Variants in GRIN2B observed in about 807,000 individuals in gnomAD.
GRIN2B encodes glutamate ionotropic receptor NMDA type subunit 2B.
A neutral mutation model predicts 114.5 loss-of-function variants in GRIN2B; 5 were observed. That is an observed-to-expected ratio of 0.04 (90% CI 0.02 to 0.09). The LOEUF (loss-of-function observed/expected upper bound fraction) is 0.09, where lower values mean the gene tolerates loss of function less well. Ranked by LOEUF, GRIN2B falls within the 10% of genes least tolerant of loss-of-function variation. The pLI, the probability that GRIN2B is intolerant of heterozygous loss-of-function variation, is 1.00. For missense variants in GRIN2B, 1,108 were observed against 1,943.5 expected, an observed-to-expected ratio of 0.57 and a Z score of 8.08; for synonymous variants, 787 against 745.1, an observed-to-expected ratio of 1.06 and a Z score of -0.92.
intron 10 of GRIN2B, among the ~76,000 whole-genome samples, chr12:13,572,512 C>A (rs1428500465): frequency 6.6e-6 from 1 of 152,178 alleles, no homozygotes; most frequent in Non-Finnish European, 1.5e-5. Context: ...ACTGAAAGCT[C>A]ATATTTATCC....
At chr12:13,781,463 C>T (rs1864111359) in intron 3 of GRIN2B, among the ~76,000 whole-genome samples, 1 of 152,194 alleles carries the variant, frequency 6.6e-6, no homozygotes. Flanking sequence ...TTCTATTGTA[C>T]TTGACTGTAA....
chr12:13,668,491 C>T (rs1489274611), intron 5 of GRIN2B, among the ~76,000 whole-genome samples: 1 of 152,124 alleles, frequency 6.6e-6, no homozygotes, highest in African/African-American at 2.4e-5. Flanking sequence ...TGGCTGCCTC[C>T]TGTAATCTCT....
At chr12:13,685,126 G>T (rs563512291) in intron 4 of GRIN2B, among the ~76,000 whole-genome samples, 1 of 152,196 alleles carries the variant, frequency 6.6e-6, no homozygotes, top group African/African-American at 2.4e-5. Context: ...AAAAGAATAA[G>T]AAGGCTTTTC....
chr12:13,833,555 C>T (rs371953820), intron 3 of GRIN2B, among the ~76,000 whole-genome samples: 1 of 152,228 alleles, frequency 6.6e-6, no homozygotes, highest in South Asian at 2.1e-4. Flanking sequence ...AGATACTCCA[C>T]ATCTTGAATT....
intron 10 of GRIN2B, among the ~76,000 whole-genome samples, chr12:13,587,897 T>C (rs950858627): frequency 4.6e-5 from 7 of 152,216 alleles, no homozygotes; most frequent in Admixed American, 1.3e-4. Context: ...GCAAAAGTAA[T>C]TGTGGTTTTT....
At chr12:13,673,706 C>CA (rs1950044311) in intron 5 of GRIN2B, among the ~76,000 whole-genome samples, 2 of 152,008 alleles carry the variant, frequency 1.3e-5, no homozygotes, top group Admixed American at 6.6e-5. Flanking sequence ...ATGCAGGCCT[C>CA]AGATTCTGGA....
chr12:13,842,339 T>C (rs1201486650), intron 3 of GRIN2B, among the ~76,000 whole-genome samples: 1 of 152,234 alleles, frequency 6.6e-6, no homozygotes, highest in East Asian at 1.9e-4. Flanking sequence ...ATGCATTATT[T>C]TTCTTAGTCC....
At chr12:13,808,844 A>T (rs1864672115) in intron 3 of GRIN2B, among the ~76,000 whole-genome samples, 1 of 151,738 alleles carries the variant, frequency 6.6e-6, no homozygotes, top group Non-Finnish European at 1.5e-5. Flanking sequence ...ATCATGAGCC[A>T]ATAGATAAAG....
rs1948519984 is a variant in GRIN2B, at chr12:13,559,850, G to C, written c.*2933C>G. 1 of 152,210 alleles carries C rather than the reference G, an allele frequency of 6.6e-6. No homozygotes were observed. Among genetic ancestry groups the C allele is most frequent in the African/African-American group, 2.4e-5 (1 of 41,446 alleles). 9.4% of individuals were successfully genotyped at this position (152,210 alleles called of 1,614,324 possible). On this transcript the variant is annotated 3_prime_UTR_variant, in exon 14 of 14. Transcript: ENST00000609686. Reference sequence around the variant, plus strand: ...TCAGATGACTGAGACGATTGTTTCAGCATCAGAGGAGGCCGCTGGGAGATT... The same window carrying C: ...TCAGATGACTGAGACGATTGTTTCACCATCAGAGGAGGCCGCTGGGAGATT...
chr12:13,756,181 A>G (rs957437541), intron 3 of GRIN2B, among the ~76,000 whole-genome samples: 1 of 151,948 alleles, frequency 6.6e-6, no homozygotes, highest in Admixed American at 6.6e-5. Flanking sequence ...ATGCCAGGCT[A>G]ATTTTTGTAT....
chr12:13,596,638 A>C (rs1949076944), intron 10 of GRIN2B, among the ~76,000 whole-genome samples: 1 of 152,366 alleles, frequency 6.6e-6, no homozygotes, highest in Middle Eastern at 3.4e-3. Flanking sequence ...AGCAGAGAGA[A>C]AACATGACAC....
intron 10 of GRIN2B, among the ~76,000 whole-genome samples, chr12:13,600,585 GAA>G (rs1343667589): frequency 2.0e-5 from 3 of 152,066 alleles, no homozygotes; most frequent in Admixed American, 2.0e-4. Context: ...CTTTTGATGA[GAA>G]AAGAGTTCCC....
Position 13,548,527 on chromosome 12 carries a change from A to T in GRIN2B, c.*14256T>A, listed in dbSNP as rs974240589. The T allele has an allele frequency of 1.3e-5, 2 of 148,810 alleles. No homozygotes were observed. The highest frequency in any genetic ancestry group is 3.0e-5 in the Non-Finnish European group (2 of 67,430). 9.2% of individuals were successfully genotyped at this position (148,810 alleles called of 1,614,324 possible). ...GTGTAGCAGAAGACAGGGAGTGGTC[A>T]TCTTGGGGGAATAAGATGCTCCAAA... On this transcript the variant is annotated 3_prime_UTR_variant, in exon 14 of 14. Coordinates refer to ENST00000609686, the MANE Select transcript of GRIN2B (RefSeq NM_000834.5).
At chr12:13,825,025 T>C (rs1364015109) in intron 3 of GRIN2B, among the ~76,000 whole-genome samples, 2 of 152,144 alleles carry the variant, frequency 1.3e-5, no homozygotes, top group African/African-American at 4.8e-5. Context: ...AGATCATTGA[T>C]TGTTTATCTT....
At chr12:13,821,851 G>T (rs1864944177) in intron 3 of GRIN2B, among the ~76,000 whole-genome samples, 1 of 152,108 alleles carries the variant, frequency 6.6e-6, no homozygotes, top group Non-Finnish European at 1.5e-5. Context: ...CAAACTTAAA[G>T]CGAAGAAAAT....
At chr12:13,758,632 CAG>C (rs1180100712) in intron 3 of GRIN2B, among the ~76,000 whole-genome samples, 1 of 152,174 alleles carries the variant, frequency 6.6e-6, no homozygotes, top group Non-Finnish European at 1.5e-5. Context: ...TATTATCTAA[CAG>C]AGGGATTTTT....
chr12:13,865,935 G>C lies in GRIN2B; in HGVS notation c.274C>G (p.Arg92Gly). 1 of 1,614,012 alleles carries C rather than the reference G, an allele frequency of 6.2e-7. No individual in the cohort carries two copies. Among genetic ancestry groups the C allele is most frequent in the Non-Finnish European group, 8.5e-7 (1 of 1,179,982 alleles). ...GCAAACACCACCCCCTGGATCTTCC[G>C]GTCAGACATGAGATCACAGATGCGG... ...ITRICDLMSD[R>G]KIQGVVFADD... The change falls in exon 3 of 14, where the codon CGG (arginine) becomes GGG (glycine). Residue 92 changes from arginine (R) to glycine (G), a missense_variant. Transcript: ENST00000609686.
chr12:13,944,486 T>G (rs1384184497), intron 2 of GRIN2B, among the ~76,000 whole-genome samples: 1 of 152,190 alleles, frequency 6.6e-6, no homozygotes, highest in Non-Finnish European at 1.5e-5. Context: ...TGTAGCCAGG[T>G]TCTTGCAAAG....
chr12:13,902,424 T>C (rs1044193598), intron 2 of GRIN2B, among the ~76,000 whole-genome samples: 15 of 152,294 alleles, frequency 9.8e-5, no homozygotes, highest in Non-Finnish European at 2.1e-4. Flanking sequence ...TTTTTGGTCT[T>C]TGCAGATACA....
Sources: allele counts gnomAD v4.1 joint callset (sites outside exome capture counted in the v4.1 genomes callset), GRCh38; gene constraint gnomAD v4.1.1; transcripts MANE v1.5; gene names NCBI Gene and HGNC (gene_info 2026-07-23, HGNC 2026-07-21).